OSBPL3: variants seen among roughly 807,000 people sequenced by gnomAD.
The protein encoded by OSBPL3 is oxysterol binding protein like 3.
OSBPL3 carries 65 observed loss-of-function variants against 120.1 expected under a neutral mutation model. The ratio of observed to expected loss-of-function variants is 0.54; its 90% CI spans 0.44 to 0.67. OSBPL3 has a LOEUF of 0.67. Ranked by LOEUF, OSBPL3 falls within the 30% of genes least tolerant of loss-of-function variation. The probability of loss-of-function intolerance (pLI) is 0.00; values close to 1 mark genes in which losing one functional copy is unlikely to be tolerated. For missense variants in OSBPL3, 1,004 were observed against 1,082.1 expected, an observed-to-expected ratio of 0.93 and a Z score of 1.01; for synonymous variants, 416 against 402.6, an observed-to-expected ratio of 1.03 and a Z score of -0.40.
At chr7:24,809,982 C>A (rs1793570859) in intron 19 of OSBPL3, 31 bp from the exon 20 acceptor site, 2 of 1,612,508 alleles carry the variant, frequency 1.2e-6, no homozygotes, top group Non-Finnish European at 1.7e-6. Flanking sequence ...TGGCTTAGTC[C>A]TTTAGCATCA....
chr7:24,850,594 T>A (rs1192986446), intron 11 of OSBPL3, among the ~76,000 whole-genome samples: 1 of 152,180 alleles, frequency 6.6e-6, no homozygotes, highest in East Asian at 1.9e-4. Context: ...TATGGGTTAT[T>A]TGAAAATCCT....
intron 12 of OSBPL3, among the ~76,000 whole-genome samples, chr7:24,847,393 C>A (rs1419791913): frequency 6.6e-6 from 1 of 152,156 alleles, no homozygotes; most frequent in Non-Finnish European, 1.5e-5. Context: ...AAGGTGACAA[C>A]TGCATCACTG....
At chr7:24,816,587 T>G (rs1562768168) in intron 18 of OSBPL3, 23 bp downstream of exon 18, 1 of 1,570,528 alleles carries the variant, frequency 6.4e-7, no homozygotes, top group Non-Finnish European at 8.8e-7. Context: ...ATAAAGCTCC[T>G]TAACCACAGA....
rs2128235327 is a variant in OSBPL3 at position 24,855,175 on chromosome 7, C to T, written c.1028-2541G>A. Among the ~76,000 whole-genome samples the T allele has an allele frequency of 6.6e-6, 1 of 152,300 alleles. No individual in the cohort carries two copies. Among genetic ancestry groups the T allele is most frequent in the South Asian group, 2.1e-4 (1 of 4,822 alleles). ...CATCCTATGTCCTATTAGATAGGCACTATGCCCCTCCCCTGCCTGCCACAC... is the reference window on the plus strand; with the variant it reads ...CATCCTATGTCCTATTAGATAGGCATTATGCCCCTCCCCTGCCTGCCACAC... On this transcript the variant is annotated intron_variant, in intron 10 of 22. Coordinates refer to ENST00000313367, the MANE Select transcript of OSBPL3 (RefSeq NM_015550.4). This position sits in a 1 kb window ranked among gnomAD's most constrained non-coding sequence, Gnocchi z 4.3.
rs1374192658 is a variant in OSBPL3, at chr7:24,882,302, T to C, written c.96+10075A>G. On this transcript the variant is annotated intron_variant, in intron 2 of 22. Transcript: ENST00000313367. The stretch of plus-strand genomic sequence containing the variant: ...CCATTATCTAGATCATTCCACTCTC[T>C]ATGTCCACCTGAATACATTTTTTAG... Among the ~76,000 whole-genome samples, 4 of 144,544 alleles carry C rather than the reference T, an allele frequency of 2.8e-5. No homozygotes were observed. In the East Asian group the frequency reaches 6.7e-4, roughly 24 times the overall value. The allele number at this position is 144,544 out of a possible 152,430, so 94.8% of individuals were successfully genotyped here.
intron 1 of OSBPL3, among the ~76,000 whole-genome samples, chr7:24,925,434 A>G (rs1810931174): frequency 6.6e-6 from 1 of 152,214 alleles, no homozygotes; most frequent in Non-Finnish European, 1.5e-5. Flanking sequence ...CAAAGACCCA[A>G]TACAGTTTCC....
chr7:24,825,365 G>C (rs946223330), intron 16 of OSBPL3, among the ~76,000 whole-genome samples: 9 of 152,190 alleles, frequency 5.9e-5, no homozygotes, highest in African/African-American at 2.2e-4. Context: ...AGCTATTAAG[G>C]ATGATGCCAA....
intron 1 of OSBPL3, among the ~76,000 whole-genome samples, chr7:24,914,552 G>A (rs1199065977): frequency 6.6e-6 from 1 of 151,764 alleles, no homozygotes; most frequent in Non-Finnish European, 1.5e-5. Flanking sequence ...AGCACAAAAT[G>A]GGCAAACCTA....
rs1434562131 is a variant in OSBPL3 at position 24,855,752 on chromosome 7, T to C, written c.1028-3118A>G. Among the ~76,000 whole-genome samples the C allele has an allele frequency of 6.6e-6, 1 of 152,190 alleles. No homozygotes were observed. The highest frequency in any genetic ancestry group is 1.5e-5 in the Non-Finnish European group (1 of 68,030). On this transcript the variant is annotated intron_variant, in intron 10 of 22. Transcript: ENST00000313367. The surrounding 1 kb of genome is among the most constrained non-coding windows in gnomAD (Gnocchi z 4.3). Reference sequence around the variant, plus strand: ...TCTGTGATAGGAGTGCTTTCTTACTTATTTCTAACATGAATCTAAGCTTAC... The same window carrying C: ...TCTGTGATAGGAGTGCTTTCTTACTCATTTCTAACATGAATCTAAGCTTAC...
Position 24,830,645 on chromosome 7 carries a change from A to C in OSBPL3, c.1884+123T>G. The C allele has an allele frequency of 3.1e-6, 3 of 965,826 alleles. No individual in the cohort carries two copies. The highest frequency in any genetic ancestry group is 4.6e-6 in the Non-Finnish European group (3 of 654,898). 59.8% of individuals were successfully genotyped at this position (965,826 alleles called of 1,614,324 possible). A position where few individuals can be genotyped will look rare whatever the true frequency, so the allele number is the denominator to read the frequency against. ...ATCGATCCCTCCCTTTATGTTGAAA[A>C]GCACTGTAATTATCTCGGCTGCTTT... On this transcript the variant is annotated intron_variant, in intron 16 of 22. Transcript: ENST00000313367. The surrounding 1 kb of genome is among the most constrained non-coding windows in gnomAD (Gnocchi z 4.4).
rs868034808 is a variant in OSBPL3 at position 24,818,233 on chromosome 7, A to G, written c.1949-1545T>C. On this transcript the variant is annotated intron_variant, in intron 17 of 22. Coordinates refer to ENST00000313367, the MANE Select transcript of OSBPL3 (RefSeq NM_015550.4). This position sits in a 1 kb window ranked among gnomAD's most constrained non-coding sequence, Gnocchi z 4.0. ...AAATGTTCTAAAATTAACTGTGCTG[A>G]TAACTGCACAGTTTATTAAATTCAC... Among the ~76,000 whole-genome samples, 4 of 152,236 alleles carry G rather than the reference A, an allele frequency of 2.6e-5. No homozygotes were observed. Among genetic ancestry groups the G allele is most frequent in the African/African-American group, 9.6e-5 (4 of 41,454 alleles).
intron 1 of OSBPL3, among the ~76,000 whole-genome samples, chr7:24,905,633 G>A (rs745354311): frequency 1.3e-5 from 2 of 152,196 alleles, no homozygotes; most frequent in African/African-American, 4.8e-5. Context: ...ATTCTGACAC[G>A]CGTCCAGGGC....
At chr7:24,949,196 T>C (rs1029445297) in intron 1 of OSBPL3, among the ~76,000 whole-genome samples, 8 of 152,164 alleles carry the variant, frequency 5.3e-5, no homozygotes, top group African/African-American at 1.9e-4. Flanking sequence ...AACCTGCCAT[T>C]TTCATTTAAC....
chr7:24,843,427 G>C (rs1259415959), intron 12 of OSBPL3, among the ~76,000 whole-genome samples: 1 of 152,152 alleles, frequency 6.6e-6, no homozygotes, highest in East Asian at 1.9e-4. Flanking sequence ...GCTAACAAAG[G>C]AGTTGCTTCC....
chr7:24,828,616 A>AAAAAAC (rs1795997772), intron 16 of OSBPL3, among the ~76,000 whole-genome samples: 1 of 129,270 alleles, frequency 7.7e-6, no homozygotes, highest in Non-Finnish European at 1.5e-5. Flanking sequence ...GAAAAAAAAA[A>AAAAAAC]AAAAAGAAAA....
Position 24,806,674 on chromosome 7 carries a change from TC to T in OSBPL3, c.2444+101del. On this transcript the variant is annotated intron_variant, in intron 21 of 22. Transcript: ENST00000313367. This position sits in a 1 kb window ranked among gnomAD's most constrained non-coding sequence, Gnocchi z 5.2. ...CACCTCTCAATTCCTGATGACATTT[TC>T]CACCTTTCTCAGGTGCCTCTGGTGG... 1 of 1,050,258 alleles carries T rather than the reference TC, an allele frequency of 9.5e-7. No homozygotes were observed. The highest frequency in any genetic ancestry group is 1.7e-5 in the South Asian group (1 of 57,760). The allele number at this position is 1,050,258 out of a possible 1,614,324, so 65.1% of individuals were successfully genotyped here.
chr7:24,863,609 A>G lies in OSBPL3; in HGVS notation c.674-10T>C. On this transcript the variant is annotated splice_polypyrimidine_tract_variant and intron_variant, in intron 7 of 22. Transcript: ENST00000313367. This position sits in a 1 kb window ranked among gnomAD's most constrained non-coding sequence, Gnocchi z 5.8. ...TGACAGTGCGCCAGGTCTGTGGGGGAAAAGAGGACAGTGCTCACAATGCTC... is the reference window on the plus strand; with the variant it reads ...TGACAGTGCGCCAGGTCTGTGGGGGGAAAGAGGACAGTGCTCACAATGCTC... The G allele has an allele frequency of 6.4e-7, 1 of 1,574,200 alleles. No homozygotes were observed. The highest frequency in any genetic ancestry group is 8.7e-7 in the Non-Finnish European group (1 of 1,143,624).
At chr7:24,924,656 C>T (rs1810819753) in intron 1 of OSBPL3, among the ~76,000 whole-genome samples, 1 of 152,200 alleles carries the variant, frequency 6.6e-6, no homozygotes, top group African/African-American at 2.4e-5. Context: ...CTACTCGCTA[C>T]CCATACTTTC....
rs1247260865 is a variant in OSBPL3, at chr7:24,966,942, G to A, written c.-150+12944C>T. Among the ~76,000 whole-genome samples the A allele has an allele frequency of 6.6e-6, 1 of 152,030 alleles. No individual in the cohort carries two copies. Among genetic ancestry groups the A allele is most frequent in the Non-Finnish European group, 1.5e-5 (1 of 68,000 alleles). On this transcript the variant is annotated intron_variant, in intron 1 of 22. Transcript: ENST00000313367. This position sits in a 1 kb window ranked among gnomAD's most constrained non-coding sequence, Gnocchi z 4.8. ...GCTTATTCCCCATTCACAGTCTTCT[G>A]GAAAATATATGAAAAACATCCCCTA...
Sources: gnomAD v4.1 joint callset for allele counts (sites outside exome capture counted in the v4.1 genomes callset) on GRCh38, gnomAD v4.1.1 for gene constraint, Gnocchi (gnomAD v3.1) non-coding constraint, MANE v1.5 for transcripts, NCBI Gene and HGNC (gene_info 2026-07-23, HGNC 2026-07-21) for gene names.